TTC7B: variants seen among roughly 807,000 people sequenced by gnomAD.
TTC7B encodes tetratricopeptide repeat domain 7B, also known as tetratricopeptide repeat protein 7B.
In TTC7B, 28 loss-of-function variants were observed where a neutral mutation model predicts 106.8. The observed-to-expected ratio is 0.26, with a 90% CI of 0.19 to 0.36. TTC7B has a LOEUF of 0.36. TTC7B is among the 10% of genes least tolerant of loss of function. TTC7B has a pLI of 1.00. For synonymous variants in TTC7B, 405 were observed against 430.6 expected (o/e 0.94, Z 0.74); for missense variants, 862 against 1,076.4 (o/e 0.80, Z 2.79).
At chr14:90,645,754 T>G (rs1885418708) in intron 14 of TTC7B, among the ~76,000 whole-genome samples, 1 of 152,238 alleles carries the variant, frequency 6.6e-6, no homozygotes, top group South Asian at 2.1e-4. Flanking sequence ...AAGGGATAGC[T>G]GCCTTGAAGG....
At chr14:90,585,166 G>A (rs1256878463) in intron 18 of TTC7B, among the ~76,000 whole-genome samples, 1 of 152,212 alleles carries the variant, frequency 6.6e-6, no homozygotes, top group Non-Finnish European at 1.5e-5. Flanking sequence ...TGAAGGCCCA[G>A]CCAAATGTCT....
At chr14:90,672,656 C>T (rs1566829474) in intron 9 of TTC7B, among the ~76,000 whole-genome samples, 2 of 152,234 alleles carry the variant, frequency 1.3e-5, no homozygotes, top group Admixed American at 1.3e-4. Flanking sequence ...CTATTCCATT[C>T]ACCTGCCAAT....
intron 7 of TTC7B, among the ~76,000 whole-genome samples, chr14:90,681,299 C>T (rs1887038619): frequency 6.6e-6 from 1 of 152,006 alleles, no homozygotes; most frequent in South Asian, 2.1e-4. Context: ...AATGTTATCA[C>T]CAATTGGGTC....
rs891629833 is a variant in TTC7B at position 90,600,405 on chromosome 14, C to T, written c.1967-6779G>A. The stretch of plus-strand genomic sequence containing the variant: ...TGTGACAGCAGGGGCGGGGCCGCTG[C>T]CCACCCAGTCCCACCAACCATGAGG... On this transcript the variant is annotated intron_variant, in intron 17 of 19. Coordinates refer to ENST00000328459, the MANE Select transcript of TTC7B (RefSeq NM_001010854.2). The surrounding 1 kb of genome is among the most constrained non-coding windows in gnomAD (Gnocchi z 4.3). Among the ~76,000 whole-genome samples, 8 of 152,162 alleles carry T rather than the reference C, an allele frequency of 5.3e-5. No individual in the cohort carries two copies. Among genetic ancestry groups the T allele is most frequent in the African/African-American group, 1.9e-4 (8 of 41,436 alleles).
Position 90,724,794 on chromosome 14 carries a change from A to G in TTC7B, c.698+5281T>C, listed in dbSNP as rs529724526. ...TAGCAATGAGAGAACGGGCTAACAC[A>G]GCCCTGGCACGGATGGTACACAATG... On this transcript the variant is annotated intron_variant, in intron 5 of 19. Transcript: ENST00000328459. 2.0e-5 allele frequency among the ~76,000 whole-genome samples: 3 copies of G among 152,328 alleles called. No homozygotes were observed. The East Asian group carries it at 5.8e-4, about 29-fold the overall frequency.
chr14:90,712,381 A>G (rs137956522), intron 5 of TTC7B, among the ~76,000 whole-genome samples: 519 of 152,354 alleles, frequency 3.4e-3, no homozygotes, highest in African/African-American at 0.012. Context: ...ATGATCCTAT[A>G]TGTAAAAATC....
rs1887388303 is a variant in TTC7B, at chr14:90,689,630, C to A, written c.860G>T (p.Cys287Phe). ...GAGAGGATCGTCCAGAGGTGACTGG[C>A]ACGGTGGATCCTCCAGAGGGTTCCA... ...SYWNPLEDPP[C>F]QSPLDDPLRK... Residue 287 changes from cysteine to phenylalanine, a missense_variant, in exon 7 of 20, where the codon TGC becomes TTC. Physicochemically the swap from Cys to Phe is radical, Grantham distance 205 (BLOSUM62 -2). Coordinates refer to ENST00000328459, the MANE Select transcript of TTC7B (RefSeq NM_001010854.2). 1 of 1,614,022 alleles carries A rather than the reference C, an allele frequency of 6.2e-7. No individual in the cohort carries two copies. Among genetic ancestry groups the A allele is most frequent in the South Asian group, 1.1e-5 (1 of 91,088 alleles).
intron 19 of TTC7B, among the ~76,000 whole-genome samples, chr14:90,571,305 G>C (rs550917968): frequency 6.6e-6 from 1 of 152,342 alleles, no homozygotes; most frequent in Admixed American, 6.5e-5. Flanking sequence ...ACAGAAGACA[G>C]AGCAAAGATC....
At chr14:90,725,595 C>T (rs1016550565) in intron 5 of TTC7B, among the ~76,000 whole-genome samples, 2 of 152,166 alleles carry the variant, frequency 1.3e-5, no homozygotes, top group Non-Finnish European at 2.9e-5. Flanking sequence ...CCACTTTATT[C>T]CCTGGCTTGG....
intron 9 of TTC7B, among the ~76,000 whole-genome samples, chr14:90,668,358 T>G (rs1373318415): frequency 1.3e-5 from 2 of 152,180 alleles, no homozygotes; most frequent in East Asian, 3.9e-4. Flanking sequence ...AGTAGCCAAG[T>G]ATATTTCTCA....
chr14:90,691,962 G>A (rs189715421), intron 6 of TTC7B, among the ~76,000 whole-genome samples: 18 of 152,238 alleles, frequency 1.2e-4, no homozygotes, highest in African/African-American at 2.9e-4. Flanking sequence ...TAAAGTATGC[G>A]ATATGGGTCT....
chr14:90,685,556 G>T (rs930620853), intron 7 of TTC7B, among the ~76,000 whole-genome samples: 2 of 152,070 alleles, frequency 1.3e-5, no homozygotes, highest in Admixed American at 6.6e-5. Context: ...AAAACCCAAA[G>T]TTGGTTCCTC....
intron 1 of TTC7B, among the ~76,000 whole-genome samples, chr14:90,787,578 T>C (rs1156870748): frequency 6.6e-6 from 1 of 152,158 alleles, no homozygotes; most frequent in Non-Finnish European, 1.5e-5. Flanking sequence ...TTACCTATTA[T>C]ATATGCAATC....
In TTC7B at chr14:90,532,103, G is replaced by C. The variant is rs1889302534; in HGVS notation, c.*9265C>G. 2.6e-5 allele frequency: 4 copies of C among 152,218 alleles called. No individual in the cohort carries two copies. The highest frequency in any genetic ancestry group is 9.7e-5 in the African/African-American group (4 of 41,444). 9.4% of individuals were successfully genotyped at this position (152,218 alleles called of 1,614,324 possible). A position where few individuals can be genotyped will look rare whatever the true frequency, so the allele number is the denominator to read the frequency against. On this transcript the variant is annotated 3_prime_UTR_variant, in exon 20 of 20. Coordinates refer to ENST00000328459, the MANE Select transcript of TTC7B (RefSeq NM_001010854.2). Reference sequence around the variant, plus strand: ...GATCACTTGAGCCTGGGAGGTGGAGGCTGCAGTGAACTGAGATCGTGCCAC... The same window carrying C: ...GATCACTTGAGCCTGGGAGGTGGAGCCTGCAGTGAACTGAGATCGTGCCAC...
At chr14:90,565,052 C>T (rs1186253608) in intron 19 of TTC7B, among the ~76,000 whole-genome samples, 1 of 152,256 alleles carries the variant, frequency 6.6e-6, no homozygotes, top group Non-Finnish European at 1.5e-5. Context: ...TCTTAAACCT[C>T]ATGAACTAAC....
rs73330772 is a variant in TTC7B at position 90,742,914 on chromosome 14, G to A, written c.576+1878C>T. ...AGACGGCTCCAAAGTGACAGGGCTG[G>A]ACAACAGTGGAGAGTAAGCAGCAAG... On this transcript the variant is annotated intron_variant, in intron 4 of 19. Transcript: ENST00000328459. This position sits in a 1 kb window ranked among gnomAD's most constrained non-coding sequence, Gnocchi z 4.1. Among the ~76,000 whole-genome samples, 186 of 152,308 alleles carry A rather than the reference G, an allele frequency of 1.2e-3. No homozygotes were observed. Among genetic ancestry groups the A allele is most frequent in the African/African-American group, 4.4e-3 (184 of 41,570 alleles).
intron 18 of TTC7B, among the ~76,000 whole-genome samples, chr14:90,589,091 T>G (rs1270802583): frequency 1.3e-5 from 2 of 152,188 alleles, no homozygotes; most frequent in Non-Finnish European, 2.9e-5. Context: ...ATTCTGAGAA[T>G]TCATTGTGTT....
At chr14:90,685,515 A>G (rs1887220947) in intron 7 of TTC7B, among the ~76,000 whole-genome samples, 1 of 152,214 alleles carries the variant, frequency 6.6e-6, no homozygotes, top group African/African-American at 2.4e-5. Flanking sequence ...AATCGATGAA[A>G]CAGAGAACAG....
In TTC7B at chr14:90,759,147, A is replaced by G. The variant is rs11848990; in HGVS notation, c.446-14225T>C. Among the ~76,000 whole-genome samples the G allele has an allele frequency of 6.9e-3, 1,053 of 151,972 alleles. 16 individuals carry two copies. Among genetic ancestry groups the G allele is most frequent in the African/African-American group, 0.024 (1,012 of 41,442 alleles). On this transcript the variant is annotated intron_variant, in intron 3 of 19. Transcript: ENST00000328459. The surrounding 1 kb of genome is among the most constrained non-coding windows in gnomAD (Gnocchi z 4.1). ...CTTCCTGCTCTTCTGTCCCACTCCG[A>G]CCCACTCCGGAGAGCCACGCTCTGA...
Sources: gnomAD v4.1 joint callset for allele counts (sites outside exome capture counted in the v4.1 genomes callset) on GRCh38, gnomAD v4.1.1 for gene constraint, Gnocchi (gnomAD v3.1) non-coding constraint, MANE v1.5 for transcripts, NCBI Gene and HGNC (gene_info 2026-07-23, HGNC 2026-07-21) for gene names.